The following C8orf34 variants were observed in gnomAD, a reference collection of about 807,000 sequenced individuals.
C8orf34 encodes the protein chromosome 8 open reading frame 34, also known as uncharacterized protein C8orf34.
Under a neutral mutation model 68.3 loss-of-function variants are expected in C8orf34, and 65 were observed. The ratio of observed to expected loss-of-function variants is 0.95; its 90% CI spans 0.78 to 1.17. The LOEUF is 1.17. C8orf34 is among the 50% of genes most tolerant of loss of function. C8orf34 has a pLI of 0.00. For missense variants in C8orf34, 664 were observed against 655.4 expected, an observed-to-expected ratio of 1.01 and a Z score of -0.14; for synonymous variants, 244 against 241.2, an observed-to-expected ratio of 1.01 and a Z score of -0.11.
Position 68,538,894 on chromosome 8 carries a change from C to T in C8orf34, c.1105+5745C>T, listed in dbSNP as rs28534530. ...GGAGGAAAAGAAAAATGTTTTCTGC[C>T]TACATATGTATCTCTAGTAGCAAAA... is the stretch of plus-strand genomic sequence containing the variant. On this transcript the variant is annotated intron_variant, in intron 7 of 13. Coordinates refer to ENST00000518698, the MANE Select transcript of C8orf34 (RefSeq NM_052958.4). Among the ~76,000 whole-genome samples, 1,425 of 152,014 alleles carry T rather than the reference C, an allele frequency of 9.4e-3. 11 individuals are homozygous for T. The highest frequency in any genetic ancestry group is 0.014 in the Non-Finnish European group (943 of 67,948).
chr8:68,738,845 C>T (rs568849217), intron 10 of C8orf34, among the ~76,000 whole-genome samples: 7 of 152,222 alleles, frequency 4.6e-5, no homozygotes, highest in African/African-American at 1.7e-4. Context: ...CAGCTGAATT[C>T]TACCAGATGT....
At chr8:68,345,576 G>T (rs1190983805) in intron 1 of C8orf34, among the ~76,000 whole-genome samples, 2 of 151,874 alleles carry the variant, frequency 1.3e-5, no homozygotes, top group Admixed American at 1.3e-4. Context: ...AATATTCATA[G>T]TAGGAAAATT....
chr8:68,443,843 A>T (rs959419711), intron 2 of C8orf34, among the ~76,000 whole-genome samples: 1 of 152,152 alleles, frequency 6.6e-6, no homozygotes, highest in African/African-American at 2.4e-5. Flanking sequence ...TTTTCTCCTT[A>T]AAAGTCTATC....
At chr8:68,505,110 T>C (rs1012514052) in intron 5 of C8orf34, among the ~76,000 whole-genome samples, 1 of 152,144 alleles carries the variant, frequency 6.6e-6, no homozygotes, top group Non-Finnish European at 1.5e-5. Flanking sequence ...TAGCCCCAAA[T>C]TGATTTTCAC....
chr8:68,678,751 G>A (rs996526850), intron 8 of C8orf34, among the ~76,000 whole-genome samples: 1 of 147,070 alleles, frequency 6.8e-6, no homozygotes, highest in East Asian at 2.1e-4. Flanking sequence ...AGAGCAATCA[G>A]ATAAGAAAAA....
chr8:68,435,191 TA>T (rs970028941), intron 1 of C8orf34, among the ~76,000 whole-genome samples: 82 of 148,358 alleles, frequency 5.5e-4, no homozygotes, highest in African/African-American at 1.8e-3. Context: ...AAATATATAA[TA>T]AAAATATATA....
intron 7 of C8orf34, among the ~76,000 whole-genome samples, chr8:68,570,909 A>G (rs1402639230): frequency 6.6e-6 from 1 of 152,204 alleles, no homozygotes; most frequent in African/African-American, 2.4e-5. Context: ...TAAAGTACAA[A>G]TAAGATGGTG....
chr8:68,666,865 C>A (rs1293167828), intron 8 of C8orf34, among the ~76,000 whole-genome samples: 1 of 152,146 alleles, frequency 6.6e-6, no homozygotes, highest in Non-Finnish European at 1.5e-5. Context: ...ATTTGATCAG[C>A]AAAGTGCTAT....
At chr8:68,674,104 C>G (rs180742951) in intron 8 of C8orf34, among the ~76,000 whole-genome samples, 7 of 152,270 alleles carry the variant, frequency 4.6e-5, no homozygotes, top group Admixed American at 4.6e-4. Context: ...GCAAATATGG[C>G]TGCAGTGACC....
chr8:68,570,186 T>C (rs1004888351), intron 7 of C8orf34, among the ~76,000 whole-genome samples: 2 of 152,218 alleles, frequency 1.3e-5, no homozygotes, highest in African/African-American at 4.8e-5. Context: ...TACCAGCCAG[T>C]GCATATAGAT....
chr8:68,644,641 G>C (rs1480614825), intron 8 of C8orf34, among the ~76,000 whole-genome samples: 7 of 152,304 alleles, frequency 4.6e-5, no homozygotes, highest in South Asian at 2.1e-4. Context: ...GGTGAAAGAG[G>C]CTGGCCAGGC....
intron 7 of C8orf34, among the ~76,000 whole-genome samples, chr8:68,585,955 A>C (rs993932535): frequency 6.6e-6 from 1 of 152,100 alleles, no homozygotes; most frequent in African/African-American, 2.4e-5. Flanking sequence ...CAGCCCTGGT[A>C]CAATGCAGGT....
intron 6 of C8orf34, among the ~76,000 whole-genome samples, chr8:68,531,852 C>T (rs545698140): frequency 6.6e-6 from 1 of 152,170 alleles, no homozygotes; most frequent in East Asian, 1.9e-4. Flanking sequence ...AACAGCTTAG[C>T]AGCAGGGCTC....
chr8:68,378,179 A>G (rs1185976936), intron 1 of C8orf34, among the ~76,000 whole-genome samples: 2 of 152,234 alleles, frequency 1.3e-5, no homozygotes, highest in African/African-American at 4.8e-5. Flanking sequence ...AATTTGTTCA[A>G]GAAATGTATA....
At position 68,790,904 on chromosome 8, in the gene C8orf34, C is replaced by T. The variant is rs780029550; in HGVS notation, c.1549+3368C>T. 4.3e-6 allele frequency: 3 copies of T among 698,294 alleles called. No homozygotes were observed. The South Asian group carries it at 4.5e-5, about 10-fold the overall frequency. The allele number at this position is 698,294 out of a possible 1,614,324, so 43.3% of individuals were successfully genotyped here. ...ATTTGCTTATTCTAAAAGTTGAGAA[C>T]TAGAAGAAAAATTTCAATGAGTCAG... On this transcript the variant is annotated intron_variant, in intron 12 of 13. Coordinates refer to ENST00000518698, the MANE Select transcript of C8orf34 (RefSeq NM_052958.4).
At chr8:68,742,548 C>G (rs1209835566) in intron 10 of C8orf34, among the ~76,000 whole-genome samples, 2 of 152,156 alleles carry the variant, frequency 1.3e-5, no homozygotes, top group East Asian at 3.9e-4. Flanking sequence ...CCTTTCTCCC[C>G]ATTTCTAAAA....
At chr8:68,448,353 T>TA (rs1563447391) in intron 3 of C8orf34, among the ~76,000 whole-genome samples, 34 of 151,492 alleles carry the variant, frequency 2.2e-4, no homozygotes, top group East Asian at 7.7e-4. Context: ...ATACTTTTTT[T>TA]TAAAAAATAG....
At chr8:68,759,273 A>C (rs1822959504) in intron 10 of C8orf34, among the ~76,000 whole-genome samples, 1 of 152,254 alleles carries the variant, frequency 6.6e-6, no homozygotes, top group Non-Finnish European at 1.5e-5. Flanking sequence ...TTTAACTTTA[A>C]AGTTAAATTT....
chr8:68,733,429 CAT>C (rs1336605508), intron 10 of C8orf34, among the ~76,000 whole-genome samples: 2 of 152,156 alleles, frequency 1.3e-5, no homozygotes, highest in East Asian at 1.9e-4. Flanking sequence ...CCTCCATTAA[CAT>C]ATGTTATTTC....
Sources: allele counts gnomAD v4.1 joint callset (sites outside exome capture counted in the v4.1 genomes callset), GRCh38; gene constraint gnomAD v4.1.1; transcripts MANE v1.5; gene names NCBI Gene and HGNC (gene_info 2026-07-23, HGNC 2026-07-21).